The following ABAT variants were observed in gnomAD, a reference collection of about 807,000 sequenced individuals.
ABAT encodes the protein 4-aminobutyrate aminotransferase, mitochondrial.
In ABAT, 45 loss-of-function variants were observed where a neutral mutation model predicts 64.6. The ratio of observed to expected loss-of-function variants is 0.70; its 90% CI spans 0.55 to 0.89. The LOEUF (loss-of-function observed/expected upper bound fraction) is 0.89. Among genes scored for constraint, ABAT ranks in the 40% least tolerant of loss-of-function variants. ABAT has a pLI of 0.00. For missense variants in ABAT, 633 were observed against 658.4 expected, an observed-to-expected ratio of 0.96 and a Z score of 0.42; for synonymous variants, 297 against 250.5, an observed-to-expected ratio of 1.19 and a Z score of -1.75.
chr16:8,767,010 GA>G (rs2059965253), intron 9 of ABAT, among the ~76,000 whole-genome samples: 1 of 152,120 alleles, frequency 6.6e-6, no homozygotes, highest in South Asian at 2.1e-4. Context: ...AGGGTTTCTG[GA>G]ATCTGTGGGA....
chr16:8,750,879 G>T (rs929251271), intron 5 of ABAT, among the ~76,000 whole-genome samples: 8 of 151,860 alleles, frequency 5.3e-5, no homozygotes, highest in Admixed American at 5.3e-4. Context: ...GTGGCACCCA[G>T]GTAGGTGTCT....
At chr16:8,759,084 A>G (rs187831707) in intron 6 of ABAT, among the ~76,000 whole-genome samples, 150 of 152,274 alleles carry the variant, frequency 9.9e-4, no homozygotes, top group African/African-American at 3.5e-3. Context: ...CTTGGGTGAC[A>G]GAGGGAGACT....
intron 2 of ABAT, among the ~76,000 whole-genome samples, chr16:8,742,431 C>T (rs1347971416): frequency 1.3e-5 from 2 of 152,022 alleles, no homozygotes; most frequent in Non-Finnish European, 2.9e-5. Context: ...TTTTCATTTT[C>T]CCCCTTTGCT....
chr16:8,705,019 C>G (rs1171490923), intron 1 of ABAT, among the ~76,000 whole-genome samples: 2 of 152,084 alleles, frequency 1.3e-5, no homozygotes, highest in Non-Finnish European at 2.9e-5. Context: ...GAGCATAGAA[C>G]TATTCCTTCA....
rs115922442 is a variant in ABAT at position 8,725,993 on chromosome 16, C to T, written c.-41-9706C>T. Among the ~76,000 whole-genome samples, 1,219 of 152,132 alleles carry T rather than the reference C, an allele frequency of 8.0e-3. 23 individuals are homozygous for T. The highest frequency in any genetic ancestry group is 0.027 in the African/African-American group (1,121 of 41,488). On this transcript the variant is annotated intron_variant, in intron 1 of 15. Transcript: ENST00000268251. Reference sequence around the variant, plus strand: ...CATGCTGAGTGCATGCTCCCTGCCCCTCCCTGGGAGCCTGCCTAAACACAG... The same window carrying T: ...CATGCTGAGTGCATGCTCCCTGCCCTTCCCTGGGAGCCTGCCTAAACACAG...
At chr16:8,700,642 C>T (rs1156903622) in intron 1 of ABAT, among the ~76,000 whole-genome samples, 1 of 152,218 alleles carries the variant, frequency 6.6e-6, no homozygotes, top group Non-Finnish European at 1.5e-5. Context: ...GTCACCCAGG[C>T]TGGAGTGCTG....
At chr16:8,742,200 A>G (rs970644085) in intron 2 of ABAT, among the ~76,000 whole-genome samples, 1 of 152,088 alleles carries the variant, frequency 6.6e-6, no homozygotes, top group Non-Finnish European at 1.5e-5. Context: ...TGGCCTTGAC[A>G]TGCTCATTAT....
intron 11 of ABAT, among the ~76,000 whole-genome samples, chr16:8,769,631 C>G (rs947284648): frequency 6.6e-6 from 1 of 151,310 alleles, no homozygotes; most frequent in African/African-American, 2.4e-5. Flanking sequence ...AAAATGGTTC[C>G]ACAAGATCCT....
At chr16:8,705,363 G>A (rs1033294993) in intron 1 of ABAT, 1 of 152,146 alleles carries the variant, frequency 6.6e-6, no homozygotes, top group African/African-American at 2.4e-5. Context: ...CTGCCCCCAT[G>A]ATCCAGTCAC....
At chr16:8,754,808 C>T (rs1207369931) in intron 5 of ABAT, among the ~76,000 whole-genome samples, 1 of 151,476 alleles carries the variant, frequency 6.6e-6, no homozygotes, top group Non-Finnish European at 1.5e-5. Flanking sequence ...AACCTCTGCC[C>T]CCCTGGTTCA....
In ABAT at chr16:8,783,431, A is replaced by C. The variant is rs1041677173; in HGVS notation, c.*2001A>C. On this transcript the variant is annotated 3_prime_UTR_variant, in exon 16 of 16. Coordinates refer to ENST00000268251, the MANE Select transcript of ABAT (RefSeq NM_020686.6). ...CCACCATTCACCCAAGGGTCAGAGG[A>C]GGTTTCAAAGAAAAGGTGTCATTGG... 2.0e-5 allele frequency: 3 copies of C among 152,180 alleles called. No homozygotes were observed. Among genetic ancestry groups the C allele is most frequent in the African/African-American group, 7.2e-5 (3 of 41,432 alleles). The allele number at this position is 152,180 out of a possible 1,614,324, so 9.4% of individuals were successfully genotyped here.
intron 13 of ABAT, among the ~76,000 whole-genome samples, chr16:8,775,425 A>T (rs951922329): frequency 6.6e-6 from 1 of 152,166 alleles, no homozygotes; most frequent in Non-Finnish European, 1.5e-5. Context: ...TCCTCATTTG[A>T]CTAATGAGGA....
At chr16:8,680,763 G>A (rs1252096600) in intron 1 of ABAT, among the ~76,000 whole-genome samples, 2 of 152,064 alleles carry the variant, frequency 1.3e-5, no homozygotes, top group Admixed American at 1.3e-4. Flanking sequence ...GGTCACTGTG[G>A]CAGGTGTGAA....
At chr16:8,768,287 G>C in intron 10 of ABAT, 31 bp downstream of exon 10, 2 of 1,609,464 alleles carry the variant, frequency 1.2e-6, no homozygotes, top group African/African-American at 2.7e-5. Context: ...TCCCAAGGTG[G>C]CGTTTAGAAT....
intron 2 of ABAT, chr16:8,736,262 G>C: frequency 4.8e-6 from 1 of 206,284 alleles, no homozygotes; most frequent in Non-Finnish European, 1.0e-5. Flanking sequence ...TGGGAGCTAT[G>C]ATTTAAGATG....
chr16:8,684,409 C>G (rs1049568294), intron 1 of ABAT, among the ~76,000 whole-genome samples: 1 of 152,038 alleles, frequency 6.6e-6, no homozygotes, highest in Non-Finnish European at 1.5e-5. Flanking sequence ...CCCGCCTCTA[C>G]AAAAAATACT....
chr16:8,732,159 T>C (rs1210545032), intron 1 of ABAT, among the ~76,000 whole-genome samples: 1 of 151,764 alleles, frequency 6.6e-6, no homozygotes, highest in African/African-American at 2.4e-5. Flanking sequence ...AGACCCTCTA[T>C]CTGTTTCTAG....
At chr16:8,710,958 T>C (rs976481094) in intron 1 of ABAT, among the ~76,000 whole-genome samples, 17 of 152,216 alleles carry the variant, frequency 1.1e-4, no homozygotes, top group African/African-American at 4.1e-4. Flanking sequence ...TATCAGTACA[T>C]AAAGCGCCAT....
intron 1 of ABAT, among the ~76,000 whole-genome samples, chr16:8,730,803 G>T (rs111861231): frequency 6.6e-6 from 1 of 152,144 alleles, no homozygotes; most frequent in East Asian, 1.9e-4. Flanking sequence ...TTAGGCACAA[G>T]CCAGGACTCC....
Sources: gnomAD v4.1 joint callset for allele counts (sites outside exome capture counted in the v4.1 genomes callset) on GRCh38, gnomAD v4.1.1 for gene constraint, MANE v1.5 for transcripts, NCBI Gene and HGNC (gene_info 2026-07-23, HGNC 2026-07-21) for gene names.